TRPM3: variants seen among roughly 807,000 people sequenced by gnomAD.
TRPM3 encodes long transient receptor potential channel 3.
A neutral mutation model predicts 181.2 loss-of-function variants in TRPM3; 77 were observed. The observed-to-expected ratio is 0.42, with a 90% confidence interval of 0.35 to 0.51. The LOEUF (loss-of-function observed/expected upper bound fraction) is 0.51. Ranked by LOEUF, TRPM3 falls within the 20% of genes least tolerant of loss-of-function variation. TRPM3 has a pLI of 0.01. For missense variants in TRPM3, 1,759 were observed against 2,196.7 expected (o/e 0.80, Z 3.98); for synonymous variants, 745 against 796.4 (o/e 0.94, Z 1.09).
upstream of TRPM3, chr9:71,121,735 G>A (rs2073677657): frequency 4.9e-6 from 3 of 606,378 alleles, no homozygotes; most frequent in East Asian, 1.1e-4. Context: ...ATCGCAAAAG[G>A]GAACAAAAAT....
intron 1 of TRPM3, among the ~76,000 whole-genome samples, chr9:71,154,934 C>CA (rs957363801): frequency 1.3e-5 from 2 of 152,086 alleles, no homozygotes; most frequent in Non-Finnish European, 2.9e-5. Context: ...CAAACTCACA[C>CA]AAAAAGCATT....
intron 1 of TRPM3, among the ~76,000 whole-genome samples, chr9:71,349,628 T>A (rs2091487456): frequency 6.6e-6 from 1 of 152,264 alleles, no homozygotes; most frequent in South Asian, 2.1e-4. Context: ...AGTTAATGAA[T>A]GCTCTTTCAT....
chr9:71,390,942 G>A (rs1355841049), intron 1 of TRPM3, among the ~76,000 whole-genome samples: 1 of 151,986 alleles, frequency 6.6e-6, no homozygotes, highest in African/African-American at 2.4e-5. Context: ...TAAGAGACTT[G>A]AAGTTGTCTG....
chr9:71,170,711 A>G (rs1008986561), intron 1 of TRPM3, among the ~76,000 whole-genome samples: 4 of 152,104 alleles, frequency 2.6e-5, no homozygotes, highest in Admixed American at 6.6e-5. Context: ...CTTCACTTTA[A>G]TCTCTTAATC....
intron 12 of TRPM3, among the ~76,000 whole-genome samples, chr9:70,628,261 C>T (rs924177236): frequency 2.0e-4 from 30 of 152,298 alleles, no homozygotes; most frequent in African/African-American, 7.2e-4. Flanking sequence ...GATGCCCACC[C>T]ATCGTGTCAT....
chr9:71,316,181 G>T (rs1342537237), intron 1 of TRPM3, among the ~76,000 whole-genome samples: 1 of 152,110 alleles, frequency 6.6e-6, no homozygotes. Flanking sequence ...GCAAAGTGTG[G>T]CAACTGCTAA....
At chr9:70,763,658 A>T (rs1014806822) in intron 7 of TRPM3, among the ~76,000 whole-genome samples, 13 of 152,198 alleles carry the variant, frequency 8.5e-5, no homozygotes, top group Non-Finnish European at 1.5e-4. Flanking sequence ...TCATTCAACA[A>T]ATGCATAGTG....
intron 1 of TRPM3, among the ~76,000 whole-genome samples, chr9:71,095,106 C>A (rs549002619): frequency 7.6e-4 from 116 of 152,242 alleles, no homozygotes; most frequent in African/African-American, 2.7e-3. Flanking sequence ...CTGGGAAATG[C>A]CTTCGTTTTT....
At chr9:71,408,535 G>A (rs964368445) in intron 1 of TRPM3, among the ~76,000 whole-genome samples, 2 of 152,130 alleles carry the variant, frequency 1.3e-5, no homozygotes, top group African/African-American at 4.8e-5. Context: ...GAAATGAAGT[G>A]AGAAGAGAAA....
chr9:71,340,453 C>T (rs1220298373), intron 1 of TRPM3, among the ~76,000 whole-genome samples: 1 of 152,030 alleles, frequency 6.6e-6, no homozygotes, highest in Non-Finnish European at 1.5e-5. Flanking sequence ...GGGGGCAAGT[C>T]CTTTCATGCT....
rs907187709 is a variant in TRPM3, at chr9:70,971,375, C to T, written c.178-106864G>A. Reference sequence around the variant, plus strand: ...CGTTTTTTTCTTGCCCTTTTTAATGCCTTTCATTTATCCCCTTGGTGATCC... The same window carrying T: ...CGTTTTTTTCTTGCCCTTTTTAATGTCTTTCATTTATCCCCTTGGTGATCC... On this transcript the variant is annotated intron_variant, in intron 1 of 25. Transcript: ENST00000677713. Among the ~76,000 whole-genome samples the T allele has an allele frequency of 5.3e-5, 8 of 152,202 alleles. No homozygotes were observed. In the East Asian group the frequency reaches 1.5e-3, roughly 29 times the overall value.
At chr9:70,911,698 A>G (rs1267886646) in intron 1 of TRPM3, among the ~76,000 whole-genome samples, 1 of 152,320 alleles carries the variant, frequency 6.6e-6, no homozygotes, top group East Asian at 1.9e-4. Flanking sequence ...CCCACTCATT[A>G]TCTAAAGGTC....
rs1588952162 is a variant in TRPM3, at chr9:71,420,739, G to GAGAGAGAAAGAGAGAGAA, written c.183+25896_183+25913dup. ...AGAGAGAAAGAGAGAGAGAGAGAAA[G>GAGAGAGAAAGAGAGAGAA]AGAGAGAAAGAGAGAGAAAGAGAGA... On this transcript the variant is annotated intron_variant, in intron 1 of 24. Coordinates refer to the TRPM3 transcript ENST00000357533. Among the ~76,000 whole-genome samples the GAGAGAGAAAGAGAGAGAA allele has an allele frequency of 1.2e-4, 11 of 91,124 alleles. 1 individual carries two copies. The highest frequency in any genetic ancestry group is 7.2e-4 in the East Asian group (3 of 4,140). The allele number at this position is 91,124 out of a possible 152,430, so 59.8% of individuals were successfully genotyped here.
intron 12 of TRPM3, among the ~76,000 whole-genome samples, chr9:70,628,357 TC>T (rs1165497885): frequency 3.3e-5 from 5 of 152,164 alleles, no homozygotes; most frequent in Non-Finnish European, 5.9e-5. Context: ...GCAGACACTT[TC>T]CCTTAAGCTC....
chr9:70,637,860 A>G (rs1168885054), intron 11 of TRPM3, among the ~76,000 whole-genome samples: 2 of 152,090 alleles, frequency 1.3e-5, no homozygotes, highest in African/African-American at 4.8e-5. Flanking sequence ...GGCCTCTGCT[A>G]TGGTTTGAAT....
chr9:71,096,500 C>T (rs2067227592), intron 1 of TRPM3, among the ~76,000 whole-genome samples: 2 of 148,962 alleles, frequency 1.3e-5, no homozygotes, highest in Non-Finnish European at 1.5e-5. Flanking sequence ...GAGACCCAGT[C>T]GGTGACAAGC....
intron 1 of TRPM3, among the ~76,000 whole-genome samples, chr9:71,351,987 T>C (rs1010276502): frequency 4.7e-5 from 7 of 150,372 alleles, no homozygotes; most frequent in Non-Finnish European, 1.0e-4. Flanking sequence ...ACCATTCTCC[T>C]GCCTCAGCCT....
intron 1 of TRPM3, among the ~76,000 whole-genome samples, chr9:71,332,430 T>G (rs894374863): frequency 4.7e-5 from 7 of 150,176 alleles, no homozygotes; most frequent in African/African-American, 1.7e-4. Flanking sequence ...CAGAACTCTT[T>G]GCTCCAGTGA....
intron 19 of TRPM3, among the ~76,000 whole-genome samples, chr9:70,609,491 A>G (rs1171249566): frequency 6.6e-6 from 1 of 152,192 alleles, no homozygotes; most frequent in Non-Finnish European, 1.5e-5. Context: ...AATGGTGGCA[A>G]TTTTATCCCA....
Sources: allele counts gnomAD v4.1 joint callset (sites outside exome capture counted in the v4.1 genomes callset), GRCh38; gene constraint gnomAD v4.1.1; transcripts MANE v1.5; gene names NCBI Gene and HGNC (gene_info 2026-07-23, HGNC 2026-07-21).